DGKB: variants seen among roughly 807,000 people sequenced by gnomAD.
DGKB encodes the protein diacylglycerol kinase beta, also known as 90 kDa diacylglycerol kinase.
DGKB carries 67 observed loss-of-function variants against 114.3 expected under a neutral mutation model. The observed-to-expected ratio is 0.59, with a 90% CI of 0.48 to 0.72. DGKB has a LOEUF of 0.72. Among genes scored for constraint, DGKB ranks in the 30% least tolerant of loss-of-function variants. DGKB has a pLI of 0.00. For missense variants in DGKB, 907 were observed against 975.2 expected, an observed-to-expected ratio of 0.93 and a Z score of 0.93; for synonymous variants, 398 against 323.1, an observed-to-expected ratio of 1.23 and a Z score of -2.49.
At chr7:14,938,648 T>C (rs1190206151) in intron 1 of DGKB, among the ~76,000 whole-genome samples, 1 of 152,042 alleles carries the variant, frequency 6.6e-6, no homozygotes, top group Non-Finnish European at 1.5e-5. Flanking sequence ...TTGCTTCTTA[T>C]TTTAAAAGTA....
At chr7:14,815,354 C>A in intron 2 of DGKB, 1 of 152,354 alleles carries the variant, frequency 6.6e-6, no homozygotes, top group Non-Finnish European at 1.5e-5. Context: ...GCTCCCAGGT[C>A]CCCTTACAGC....
chr7:14,161,626 T>A (rs976307465), intron 25 of DGKB, among the ~76,000 whole-genome samples: 3 of 148,616 alleles, frequency 2.0e-5, no homozygotes, highest in East Asian at 2.0e-4. Context: ...TGAGAATACA[T>A]AGACACAGGG....
intron 2 of DGKB, among the ~76,000 whole-genome samples, chr7:14,765,042 T>C (rs927385399): frequency 5.9e-5 from 9 of 151,938 alleles, no homozygotes; most frequent in African/African-American, 2.2e-4. Flanking sequence ...TACAAAGAGA[T>C]TGAAAAAGAA....
At chr7:14,873,699 CACA>C (rs1468515727) in intron 1 of DGKB, among the ~76,000 whole-genome samples, 3 of 151,798 alleles carry the variant, frequency 2.0e-5, no homozygotes, top group Non-Finnish European at 2.9e-5. Flanking sequence ...TATGTACATA[CACA>C]ACAATTTATA....
In DGKB at chr7:14,776,402, C is replaced by T. The variant is rs970385870; in HGVS notation, c.71-18671G>A. On this transcript the variant is annotated intron_variant, in intron 2 of 25. Transcript: ENST00000402815. Reference sequence around the variant, plus strand: ...CAGGGTATGTCACAGACCTTCACAGCAGGCCCTACCATCACAGGCCAGGAG... The same window carrying T: ...CAGGGTATGTCACAGACCTTCACAGTAGGCCCTACCATCACAGGCCAGGAG... 3.9e-5 allele frequency among the ~76,000 whole-genome samples: 6 copies of T among 152,196 alleles called. No homozygotes were observed. The East Asian group carries it at 9.6e-4, about 24-fold the overall frequency.
chr7:14,177,931 C>T, intron 24 of DGKB, 100 bp downstream of exon 24: 2 of 1,243,552 alleles, frequency 1.6e-6, no homozygotes, highest in African/African-American at 1.6e-5. Flanking sequence ...TTATTTGGAG[C>T]CCAAAGAAGA....
intron 23 of DGKB, among the ~76,000 whole-genome samples, chr7:14,204,244 T>C (rs1562607112): frequency 6.6e-6 from 1 of 152,030 alleles, no homozygotes; most frequent in Non-Finnish European, 1.5e-5. Flanking sequence ...TGTTTACAAA[T>C]TTCAACATGC....
chr7:14,845,105 TCAAAAAA>T (rs1848456384), intron 1 of DGKB, among the ~76,000 whole-genome samples: 2 of 41,498 alleles, frequency 4.8e-5, no homozygotes, highest in African/African-American at 1.0e-4. Flanking sequence ...AGGCCCTGTG[TCAAAAAA>T]AAAAAAAAAA....
At chr7:14,859,076 C>T (rs567641653) in intron 1 of DGKB, among the ~76,000 whole-genome samples, 1 of 151,970 alleles carries the variant, frequency 6.6e-6, no homozygotes, top group East Asian at 1.9e-4. Flanking sequence ...AAAGTCTGAC[C>T]TGGGATTATG....
intron 1 of DGKB, among the ~76,000 whole-genome samples, chr7:14,879,717 C>A (rs758950084): frequency 3.9e-5 from 6 of 152,124 alleles, no homozygotes; most frequent in African/African-American, 1.4e-4. Flanking sequence ...ACAAGCCATT[C>A]ATTCTTCTCC....
chr7:14,746,577 C>A (rs150041045), intron 4 of DGKB, among the ~76,000 whole-genome samples: 1,629 of 152,274 alleles, frequency 0.011, 30 homozygotes, highest in African/African-American at 0.037. Flanking sequence ...TGGCTCACTG[C>A]AACTTCCGCC....
chr7:14,829,704 G>C lies in DGKB; in HGVS notation c.70+11490C>G, dbSNP rs1304744574. Among the ~76,000 whole-genome samples, 6 of 152,044 alleles carry C rather than the reference G, an allele frequency of 3.9e-5. No individual in the cohort carries two copies. The East Asian group carries it at 1.2e-3, about 29-fold the overall frequency. ...GCTTGTTTGATCATACTGTAGATAA[G>C]GTAACAAGAGGAAAATTAACACAGA... On this transcript the variant is annotated intron_variant, in intron 2 of 25. Coordinates refer to ENST00000402815, the MANE Select transcript of DGKB (RefSeq NM_001350709.2).
chr7:14,463,399 A>T (rs975182695), intron 21 of DGKB, among the ~76,000 whole-genome samples: 1 of 152,172 alleles, frequency 6.6e-6, no homozygotes, highest in South Asian at 2.1e-4. Flanking sequence ...AGTCATTTGT[A>T]AAACTTCTCT....
chr7:14,659,727 C>T (rs1816635117), intron 13 of DGKB, among the ~76,000 whole-genome samples: 2 of 146,664 alleles, frequency 1.4e-5, no homozygotes, highest in Non-Finnish European at 3.0e-5. Flanking sequence ...CCTTTATTTC[C>T]TTCTCCTGCC....
chr7:14,177,975 T>C, intron 24 of DGKB, 56 bp downstream of exon 24: 1 of 1,474,714 alleles, frequency 6.8e-7, no homozygotes, highest in Non-Finnish European at 9.0e-7. Flanking sequence ...ATACTTTTAA[T>C]TAGTTTGAGG....
intron 20 of DGKB, among the ~76,000 whole-genome samples, chr7:14,479,659 T>C (rs1396883349): frequency 6.6e-6 from 1 of 152,010 alleles, no homozygotes; most frequent in Non-Finnish European, 1.5e-5. Flanking sequence ...AGTCACAGAG[T>C]TCCTTTTTAT....
At chr7:14,755,360 G>A (rs557283571) in intron 3 of DGKB, among the ~76,000 whole-genome samples, 2 of 152,144 alleles carry the variant, frequency 1.3e-5, no homozygotes, top group South Asian at 4.1e-4. Flanking sequence ...GTACATCTAC[G>A]ATTTAAACAG....
At chr7:14,482,584 T>C (rs1034667322) in intron 20 of DGKB, among the ~76,000 whole-genome samples, 1 of 152,082 alleles carries the variant, frequency 6.6e-6, no homozygotes, top group Non-Finnish European at 1.5e-5. Context: ...CACTTTGTAA[T>C]ACCACAAAGA....
intron 20 of DGKB, among the ~76,000 whole-genome samples, chr7:14,563,470 T>G (rs995465718): frequency 6.6e-6 from 1 of 152,158 alleles, no homozygotes; most frequent in African/African-American, 2.4e-5. Context: ...TTGAGTGAAT[T>G]TTTTAGTTCA....
Sources: allele counts gnomAD v4.1 joint callset (sites outside exome capture counted in the v4.1 genomes callset), GRCh38; gene constraint gnomAD v4.1.1; transcripts MANE v1.5; gene names NCBI Gene and HGNC (gene_info 2026-07-23, HGNC 2026-07-21).